Variants in AVEN observed in about 807,000 individuals in gnomAD.
The protein encoded by AVEN is apoptosis and caspase activation inhibitor, also known as cell death regulator Aven.
Under a neutral mutation model 38.1 loss-of-function variants are expected in AVEN, and 41 were observed. The observed-to-expected ratio is 1.08, with a 90% CI of 0.84 to 1.40. The LOEUF (loss-of-function observed/expected upper bound fraction) is 1.40, where lower values mean the gene tolerates loss of function less well. Ranked by LOEUF, AVEN falls within the 40% of genes most tolerant of loss-of-function variation. AVEN has a pLI of 0.00. For missense variants in AVEN, 605 were observed against 438.8 expected, an observed-to-expected ratio of 1.38 and a Z score of -3.38; for synonymous variants, 206 against 171.8, an observed-to-expected ratio of 1.20 and a Z score of -1.56.
chr15:33,971,557 A>G (rs1056967055), intron 2 of AVEN, among the ~76,000 whole-genome samples: 4 of 152,116 alleles, frequency 2.6e-5, no homozygotes, highest in African/African-American at 7.2e-5. Flanking sequence ...CTGAAATACC[A>G]AGCAACATAA....
At chr15:34,001,318 A>G (rs964638337) in intron 2 of AVEN, among the ~76,000 whole-genome samples, 6 of 152,170 alleles carry the variant, frequency 3.9e-5, no homozygotes, top group Non-Finnish European at 7.4e-5. Flanking sequence ...CACCATGCCC[A>G]GCCTGGACTA....
rs75761399 is a variant in AVEN at position 33,984,716 on chromosome 15, T to A, written c.445+18316A>T. Among the ~76,000 whole-genome samples the A allele has an allele frequency of 5.6e-3, 854 of 152,236 alleles. 21 individuals are homozygous for A. The highest frequency in any genetic ancestry group is 0.041 in the Admixed American group (625 of 15,298). ...TGCACCCAGCCTATTCATAGTAGGT[T>A]TCTATATGAGTTGCTTTTCATTGAA... On this transcript the variant is annotated intron_variant, in intron 2 of 5. Coordinates refer to ENST00000306730, the MANE Select transcript of AVEN (RefSeq NM_020371.3).
At chr15:34,017,568 T>A (rs1320230377) in intron 1 of AVEN, among the ~76,000 whole-genome samples, 2 of 145,606 alleles carry the variant, frequency 1.4e-5, no homozygotes, top group African/African-American at 5.0e-5. Flanking sequence ...GCAACCTCCA[T>A]CTCCCAGTTC....
chr15:33,874,975 G>T (rs973550907), intron 3 of AVEN, among the ~76,000 whole-genome samples: 22 of 152,206 alleles, frequency 1.4e-4, no homozygotes, highest in African/African-American at 5.3e-4. Context: ...ACAAATATTT[G>T]TAATTCTCAC....
At chr15:33,859,320 T>C (rs2080083980) in intron 11 of AVEN, among the ~76,000 whole-genome samples, 2 of 152,240 alleles carry the variant, frequency 1.3e-5, no homozygotes, top group Non-Finnish European at 2.9e-5. Context: ...TTAACTTATA[T>C]ACACCTTTAA....
At chr15:34,016,563 G>A (rs1254330993) in intron 1 of AVEN, among the ~76,000 whole-genome samples, 1 of 152,056 alleles carries the variant, frequency 6.6e-6, no homozygotes, top group Admixed American at 6.6e-5. Context: ...GCTACAAAAT[G>A]TAACCTGAAT....
chr15:34,036,683 T>C (rs531588942), intron 1 of AVEN, among the ~76,000 whole-genome samples: 58 of 152,330 alleles, frequency 3.8e-4, no homozygotes, highest in Non-Finnish European at 6.2e-4. Flanking sequence ...CCTCCAGCTT[T>C]GGCTGAAAAC....
At chr15:33,961,578 CCAAGG>C (rs1895166576) in intron 2 of AVEN, among the ~76,000 whole-genome samples, 1 of 151,834 alleles carries the variant, frequency 6.6e-6, no homozygotes, top group African/African-American at 2.4e-5. Context: ...CTTTGGGAGG[CCAAGG>C]TGGGCGAATC....
chr15:34,035,289 G>A (rs749305919), intron 1 of AVEN, among the ~76,000 whole-genome samples: 5 of 151,976 alleles, frequency 3.3e-5, no homozygotes, highest in Non-Finnish European at 5.9e-5. Flanking sequence ...TATAAACATG[G>A]AGCAAGAAAG....
chr15:33,864,229 T>G (rs777770512), downstream of AVEN: 1 of 1,528,626 alleles, frequency 6.5e-7, no homozygotes, highest in Non-Finnish European at 9.0e-7. Context: ...TAGATCTCCC[T>G]TTCCTAAATC....
At chr15:33,982,590 AT>A (rs1405118650) in intron 2 of AVEN, among the ~76,000 whole-genome samples, 3 of 152,024 alleles carry the variant, frequency 2.0e-5, no homozygotes, top group Admixed American at 6.5e-5. Flanking sequence ...AGATTTTACA[AT>A]TTTTTTTAAA....
At chr15:33,982,879 G>C (rs1896216052) in intron 2 of AVEN, among the ~76,000 whole-genome samples, 1 of 151,946 alleles carries the variant, frequency 6.6e-6, no homozygotes, top group South Asian at 2.1e-4. Flanking sequence ...CCCAACTTCT[G>C]AGGGAGATCA....
upstream of AVEN, among the ~76,000 whole-genome samples, chr15:34,042,401 T>G (rs574968495): frequency 1.3e-5 from 2 of 149,124 alleles, no homozygotes; most frequent in Admixed American, 6.7e-5. Context: ...CCTAAGTTTT[T>G]TTTTTTTTTT....
At chr15:33,856,655 TTTG>T (rs1435344396), downstream of AVEN, 5 of 57,676 alleles carry the variant, frequency 8.7e-5, no homozygotes, top group Non-Finnish European at 1.5e-4. Context: ...GGGTTTTTTG[TTTG>T]TTTGTTTGTT....
At chr15:33,907,317 G>T (rs1892744335) in intron 2 of AVEN, among the ~76,000 whole-genome samples, 1 of 152,264 alleles carries the variant, frequency 6.6e-6, no homozygotes, top group Non-Finnish European at 1.5e-5. Flanking sequence ...TATGTCTCAA[G>T]GGCAGGAACC....
At chr15:33,926,681 G>A (rs1893617945) in intron 2 of AVEN, among the ~76,000 whole-genome samples, 1 of 152,218 alleles carries the variant, frequency 6.6e-6, no homozygotes, top group South Asian at 2.1e-4. Context: ...ATTATTTTGA[G>A]ATGGAGTCTC....
Position 34,058,555 on chromosome 15 carries a change from AACACACACACAC to A in AVEN, n.1637+4355_1637+4366del, listed in dbSNP as rs3027963. ...AGGAAGTTCTCTCTGCTTTAATTCT[AACACACACACAC>A]ACACACACACACACACACACACACA... On this transcript the variant is annotated intron_variant and non_coding_transcript_variant, in intron 5 of 11. Coordinates refer to the AVEN transcript ENST00000675287. 2.2e-3 allele frequency among the ~76,000 whole-genome samples: 319 copies of A among 143,286 alleles called. 2 individuals are homozygous for A. The highest frequency in any genetic ancestry group is 7.8e-3 in the African/African-American group (302 of 38,880). 94.0% of individuals were successfully genotyped at this position (143,286 alleles called of 152,430 possible).
At chr15:33,902,563 A>T (rs761032149) in intron 2 of AVEN, among the ~76,000 whole-genome samples, 12 of 152,222 alleles carry the variant, frequency 7.9e-5, no homozygotes, top group Non-Finnish European at 1.8e-4. Flanking sequence ...ATAGTACTGG[A>T]AATACTAGCA....
At chr15:34,021,721 G>C (rs1307288257) in intron 1 of AVEN, among the ~76,000 whole-genome samples, 1 of 152,216 alleles carries the variant, frequency 6.6e-6, no homozygotes, top group South Asian at 2.1e-4. Context: ...TGGACATGGT[G>C]GCAGGTGCCT....
Sources: gnomAD v4.1 joint callset for allele counts (sites outside exome capture counted in the v4.1 genomes callset) on GRCh38, gnomAD v4.1.1 for gene constraint, MANE v1.5 for transcripts, NCBI Gene and HGNC (gene_info 2026-07-23, HGNC 2026-07-21) for gene names.